CDHR2: variants seen among roughly 807,000 people sequenced by gnomAD.
CDHR2 encodes the protein cadherin related family member 2.
Under a neutral mutation model 138.6 loss-of-function variants are expected in CDHR2, and 104 were observed. The observed-to-expected ratio is 0.75, with a 90% CI of 0.64 to 0.88. The LOEUF (loss-of-function observed/expected upper bound fraction) is 0.88, where lower values mean the gene tolerates loss of function less well. Ranked by LOEUF, CDHR2 falls within the 40% of genes least tolerant of loss-of-function variation. The pLI is 0.00. For synonymous variants in CDHR2, 755 were observed against 742.8 expected (o/e 1.02, Z -0.27); for missense variants, 1,624 against 1,727.6 (o/e 0.94, Z 1.06).
In CDHR2 at chr5:176,590,556, T is replaced by G; in HGVS notation, c.3415-7T>G. On this transcript the variant is annotated splice_polypyrimidine_tract_variant and splice_region_variant and intron_variant, in intron 27 of 31. Transcript: ENST00000261944. ...AGTGTGCTTCCCTCACACTCATCTT[T>G]CTCCAGGGCTCCCAGGAGAGCCAGG... 1 of 1,613,894 alleles carries G rather than the reference T, an allele frequency of 6.2e-7. No individual in the cohort carries two copies. Among genetic ancestry groups the G allele is most frequent in the Non-Finnish European group, 8.5e-7 (1 of 1,179,980 alleles).
rs931474083 is a variant in CDHR2, at chr5:176,576,869, G to T, written c.1195-530G>T. The stretch of plus-strand genomic sequence containing the variant: ...TGGGATTGCAGGCGTGAGCCACCGC[G>T]CCCAGCCATGGGAGGCACTCTTAAG... On this transcript the variant is annotated intron_variant, in intron 12 of 31. Transcript: ENST00000261944. This position sits in a 1 kb window ranked among gnomAD's most constrained non-coding sequence, Gnocchi z 4.5. Among the ~76,000 whole-genome samples, 6 of 152,182 alleles carry T rather than the reference G, an allele frequency of 3.9e-5. No individual in the cohort carries two copies. The highest frequency in any genetic ancestry group is 6.5e-5 in the Admixed American group (1 of 15,282).
rs779678540 is a variant in CDHR2 at position 176,585,063 on chromosome 5, C to A, written c.2734+48C>A. 19 of 1,497,610 alleles carry A rather than the reference C, an allele frequency of 1.3e-5. No individual in the cohort carries two copies. In the African/African-American group the frequency reaches 1.8e-4, roughly 14 times the overall value. The allele number at this position is 1,497,610 out of a possible 1,614,324, so 92.8% of individuals were successfully genotyped here. ...GGCTTGGCAGGCCATAGCTTAGGGG[C>A]CGCGGGAAGGAGCCCTGGGCTGGAA... On this transcript the variant is annotated intron_variant, in intron 19 of 31. Transcript: ENST00000261944.
intron 7 of CDHR2, among the ~76,000 whole-genome samples, chr5:176,574,836 G>A (rs1453094295): frequency 6.6e-6 from 1 of 152,232 alleles, no homozygotes; most frequent in Non-Finnish European, 1.5e-5. Context: ...GGTCAAATCT[G>A]TGGATGTGGA....
At chr5:176,584,358 G>C in intron 18 of CDHR2, 52 bp from the exon 19 acceptor site, 1 of 1,610,300 alleles carries the variant, frequency 6.2e-7, no homozygotes, top group Non-Finnish European at 8.5e-7. Flanking sequence ...GGCAGAGGAG[G>C]CTTCCGATGG....
intron 17 of CDHR2, among the ~76,000 whole-genome samples, chr5:176,582,735 T>G (rs1305149104): frequency 1.3e-5 from 2 of 152,138 alleles, no homozygotes; most frequent in African/African-American, 2.4e-5. Flanking sequence ...TGAGCTATGA[T>G]CATGCCACTG....
intron 6 of CDHR2, among the ~76,000 whole-genome samples, chr5:176,571,761 T>C (rs10070455): frequency 0.24 from 36,401 of 151,252 alleles, 4,450 homozygotes; most frequent in East Asian, 0.46. Flanking sequence ...TGGTCTCGAT[T>C]TCCTGACCTC....
rs186290191 is a variant in CDHR2 at position 176,574,349 on chromosome 5, C to T, written c.495+177C>T. On this transcript the variant is annotated intron_variant, in intron 7 of 31. Coordinates refer to ENST00000261944, the MANE Select transcript of CDHR2 (RefSeq NM_017675.6). ...CTCCCCGGAAACCTCGCCTTGCCCG[C>T]TTACCTAAAGAGGGTGCCTGCTGCA... 1.3e-3 allele frequency among the ~76,000 whole-genome samples: 191 copies of T among 152,328 alleles called. 1 individual carries two copies. The highest frequency in any genetic ancestry group is 2.2e-3 in the Non-Finnish European group (150 of 68,016).
chr5:176,558,586 T>C (rs914021024), intron 1 of CDHR2, among the ~76,000 whole-genome samples: 1 of 152,156 alleles, frequency 6.6e-6, no homozygotes, highest in Non-Finnish European at 1.5e-5. Context: ...GGTTTCTCCA[T>C]GTTGGTCAGG....
Position 176,576,199 on chromosome 5 carries a change from C to G in CDHR2, c.1194+14C>G. On this transcript the variant is annotated intron_variant, in intron 12 of 31. Transcript: ENST00000261944. This position sits in a 1 kb window ranked among gnomAD's most constrained non-coding sequence, Gnocchi z 4.5. ...GACCCGGACAAGGCAGGCGTGGTGG[C>G]GTGGGTGTGGGCGGGGGTGGCTGGG... is the stretch of plus-strand genomic sequence containing the variant. 6.3e-6 allele frequency: 7 copies of G among 1,111,634 alleles called. No individual in the cohort carries two copies. Among genetic ancestry groups the G allele is most frequent in the Non-Finnish European group, 9.0e-6 (7 of 780,652 alleles). 68.9% of individuals were successfully genotyped at this position (1,111,634 alleles called of 1,614,324 possible). A position where few individuals can be genotyped will look rare whatever the true frequency, so the allele number is the denominator to read the frequency against.
chr5:176,579,778 A>G (rs1758482951), intron 16 of CDHR2, among the ~76,000 whole-genome samples: 1 of 152,122 alleles, frequency 6.6e-6, no homozygotes. Context: ...CCCACTCTGG[A>G]TTCAAGGCCA....
At chr5:176,581,149 A>G (rs893346948) in intron 16 of CDHR2, among the ~76,000 whole-genome samples, 194 bp from the exon 17 acceptor site, 4 of 152,148 alleles carry the variant, frequency 2.6e-5, no homozygotes, top group African/African-American at 9.7e-5. Flanking sequence ...AGTGCTGAAG[A>G]TCTCAGAAGC....
Position 176,591,197 on chromosome 5 carries a change from C to A in CDHR2, c.3540-13C>A. ...TGCAGCAACAGTGTGACCCCTCTTC[C>A]GGTTCCCCACAGCTACAACCGGAAG... On this transcript the variant is annotated splice_polypyrimidine_tract_variant and intron_variant, in intron 28 of 31. Coordinates refer to ENST00000261944, the MANE Select transcript of CDHR2 (RefSeq NM_017675.6). The A allele has an allele frequency of 6.3e-7, 1 of 1,592,260 alleles. No homozygotes were observed. The highest frequency in any genetic ancestry group is 8.6e-7 in the Non-Finnish European group (1 of 1,160,710).
chr5:176,554,485 A>G (rs1035826482), intron 1 of CDHR2, among the ~76,000 whole-genome samples: 3 of 152,142 alleles, frequency 2.0e-5, no homozygotes, highest in African/African-American at 7.2e-5. Flanking sequence ...TAGTGGGGTT[A>G]TTATTCTCAC....
chr5:176,576,017 A>C lies in CDHR2; in HGVS notation c.1026A>C (p.Arg342Ser), dbSNP rs187072731. ...EAKVSIWVTVRVMDVNDHKPE... is the reference protein window; with the variant it reads ...EAKVSIWVTVSVMDVNDHKPE... Reference sequence around the variant, plus strand: ...AGGTGAGCATCTGGGTGACAGTGAGAGTGATGGACGTCAATGACCACAAAC... The same window carrying C: ...AGGTGAGCATCTGGGTGACAGTGAGCGTGATGGACGTCAATGACCACAAAC... Residue 342 changes from arginine (R) to serine (S), a missense_variant, in exon 12 of 32, where the codon AGA becomes AGC. Around this residue, in one of 3 missense-constraint regions of CDHR2, gnomAD observed 1,061 missense variants for 1,136.6 expected, o/e 0.93. Coordinates refer to ENST00000261944, the MANE Select transcript of CDHR2 (RefSeq NM_017675.6). The surrounding 1 kb of genome is among the most constrained non-coding windows in gnomAD (Gnocchi z 4.5). 6.2e-7 allele frequency: 1 copy of C among 1,613,598 alleles called. No individual in the cohort carries two copies. Among genetic ancestry groups the C allele is most frequent in the Admixed American group, 1.7e-5 (1 of 59,942 alleles).
chr5:176,563,533 T>C (rs1020683858), intron 1 of CDHR2, among the ~76,000 whole-genome samples: 2 of 152,140 alleles, frequency 1.3e-5, no homozygotes, highest in South Asian at 2.1e-4. Context: ...GTTTCTTCTG[T>C]AGGGCTGCCT....
chr5:176,579,482 G>A (rs190912120), intron 16 of CDHR2, among the ~76,000 whole-genome samples: 4 of 152,204 alleles, frequency 2.6e-5, no homozygotes, highest in Non-Finnish European at 5.9e-5. Flanking sequence ...TTCCTGCTTG[G>A]CACTTCTCCC....
At chr5:176,583,592 G>A (rs1391581202) in intron 17 of CDHR2, among the ~76,000 whole-genome samples, 3 of 152,232 alleles carry the variant, frequency 2.0e-5, no homozygotes, top group Non-Finnish European at 4.4e-5. Context: ...CAGGGCTCCA[G>A]CTGTGCCCAG....
At position 176,576,155 on chromosome 5, in the gene CDHR2, C is replaced by T. The variant is rs1020123340; in HGVS notation, c.1164C>T (p.Asp388=). 3 of 1,613,610 alleles carry T rather than the reference C, an allele frequency of 1.9e-6. No homozygotes were observed. Among genetic ancestry groups the T allele is most frequent in the Non-Finnish European group, 2.5e-6 (3 of 1,179,976 alleles). ...CCTCCCCCCGCATCCCCATCGATGA[C>T]CTCACCATGGTGGTCTACGACCCGG... ...EHASPRIPID[D]LTMVVYDPDK... Residue 388 remains aspartate, a synonymous_variant, in exon 12 of 32, where the codon GAC becomes GAT. Coordinates refer to ENST00000261944, the MANE Select transcript of CDHR2 (RefSeq NM_017675.6). The surrounding 1 kb of genome is among the most constrained non-coding windows in gnomAD (Gnocchi z 4.5).
At position 176,576,178 on chromosome 5, in the gene CDHR2, C is replaced by G. The variant is rs201290215; in HGVS notation, c.1187C>G (p.Pro396Arg). The G allele has an allele frequency of 7.5e-6, 12 of 1,593,570 alleles. No individual in the cohort carries two copies. The highest frequency in any genetic ancestry group is 8.6e-6 in the Non-Finnish European group (10 of 1,168,510). Residue 396 changes from proline to arginine, a missense_variant, in exon 12 of 32, where the codon CCG becomes CGG. Transcript: ENST00000261944. The surrounding 1 kb of genome is among the most constrained non-coding windows in gnomAD (Gnocchi z 4.5). The part of the protein sequence containing the change: ...IDDLTMVVYD[P>R]DKGSNGTFLL... ...GACCTCACCATGGTGGTCTACGACCCGGACAAGGCAGGCGTGGTGGCGTGG... is the reference window on the plus strand; with the variant it reads ...GACCTCACCATGGTGGTCTACGACCGGGACAAGGCAGGCGTGGTGGCGTGG...
Sources: allele counts gnomAD v4.1 joint callset (sites outside exome capture counted in the v4.1 genomes callset), GRCh38; gene constraint gnomAD v4.1.1; regional missense constraint gnomAD v4.1.1; non-coding constraint Gnocchi (gnomAD v3.1); transcripts MANE v1.5; gene names NCBI Gene and HGNC (gene_info 2026-07-23, HGNC 2026-07-21).